APBB2: variants seen among roughly 807,000 people sequenced by gnomAD.
The protein encoded by APBB2 is Fe65-like 1.
APBB2 carries 38 observed loss-of-function variants against 82.5 expected under a neutral mutation model. The observed-to-expected ratio is 0.46, with a 90% CI of 0.36 to 0.60. APBB2 has a LOEUF of 0.60. Among genes scored for constraint, APBB2 ranks in the 20% least tolerant of loss-of-function variants. The pLI is 0.00. For missense variants in APBB2, 772 were observed against 972.3 expected, an observed-to-expected ratio of 0.79 and a Z score of 2.74; for synonymous variants, 341 against 368.2, an observed-to-expected ratio of 0.93 and a Z score of 0.85.
chr4:40,990,650 C>T (rs111517823), intron 6 of APBB2, among the ~76,000 whole-genome samples: 12 of 152,298 alleles, frequency 7.9e-5, no homozygotes, highest in African/African-American at 2.2e-4. Flanking sequence ...TTCACCCCAA[C>T]GTAACCCAGA....
At chr4:40,846,277 G>C (rs987633963) in intron 12 of APBB2, among the ~76,000 whole-genome samples, 38 of 129,748 alleles carry the variant, frequency 2.9e-4, no homozygotes, top group African/African-American at 1.0e-3. Context: ...GAGGAGAAAG[G>C]AAAGGTTCCT....
intron 6 of APBB2, among the ~76,000 whole-genome samples, chr4:40,963,687 TA>T (rs1303825671): frequency 6.6e-6 from 1 of 152,254 alleles, no homozygotes; most frequent in Non-Finnish European, 1.5e-5. Context: ...AATCCGATGC[TA>T]TATCAAAGTC....
chr4:40,834,463 A>G (rs1753147422), intron 12 of APBB2, among the ~76,000 whole-genome samples: 1 of 152,192 alleles, frequency 6.6e-6, no homozygotes, highest in South Asian at 2.1e-4. Context: ...TTAAGACGAA[A>G]TCCAAGCATC....
rs529246448 is a variant in APBB2, at chr4:40,945,141, C to G, written c.836-68G>C. ...TTATTAAAAGAATGTCAGCACTATT[C>G]GTCAGGTGAACCCCAAAGGCAGACG... is the stretch of plus-strand genomic sequence containing the variant. On this transcript the variant is annotated intron_variant, in intron 6 of 17. Coordinates refer to ENST00000508593, the MANE Select transcript of APBB2 (RefSeq NM_004307.2). 5 of 1,240,792 alleles carry G rather than the reference C, an allele frequency of 4.0e-6. No individual in the cohort carries two copies. The East Asian group carries it at 1.2e-4, about 29-fold the overall frequency. 76.9% of individuals were successfully genotyped at this position (1,240,792 alleles called of 1,614,324 possible). A position where few individuals can be genotyped will look rare whatever the true frequency, so the allele number is the denominator to read the frequency against.
chr4:41,135,666 T>G (rs1367628865), intron 2 of APBB2, among the ~76,000 whole-genome samples: 1 of 152,198 alleles, frequency 6.6e-6, no homozygotes, highest in Non-Finnish European at 1.5e-5. Context: ...ACAGTATCTT[T>G]GAAAGCTGTT....
intron 12 of APBB2, among the ~76,000 whole-genome samples, chr4:40,878,550 G>C (rs1406383704): frequency 6.6e-6 from 1 of 152,094 alleles, no homozygotes; most frequent in Non-Finnish European, 1.5e-5. Flanking sequence ...ATCTCCCTCA[G>C]AGACTGTAAC....
At chr4:40,858,289 T>C (rs1308667783) in intron 12 of APBB2, among the ~76,000 whole-genome samples, 1 of 152,022 alleles carries the variant, frequency 6.6e-6, no homozygotes, top group African/African-American at 2.4e-5. Context: ...TACTTCCTCT[T>C]TCTAATTGTT....
intron 12 of APBB2, among the ~76,000 whole-genome samples, chr4:40,873,264 T>C (rs879685474): frequency 1.3e-5 from 2 of 152,188 alleles, no homozygotes; most frequent in Non-Finnish European, 2.9e-5. Flanking sequence ...AAGATCTATA[T>C]CTCCTCTCTT....
At chr4:41,021,406 G>A (rs1811469479) in intron 5 of APBB2, among the ~76,000 whole-genome samples, 1 of 152,198 alleles carries the variant, frequency 6.6e-6, no homozygotes, top group African/African-American at 2.4e-5. Context: ...GAACTTTTCT[G>A]TCTAGCTAGA....
chr4:40,944,052 C>T (rs970068171), intron 7 of APBB2, among the ~76,000 whole-genome samples: 1 of 152,230 alleles, frequency 6.6e-6, no homozygotes, highest in African/African-American at 2.4e-5. Context: ...AGTTCTAATG[C>T]CCTCATGCCT....
intron 1 of APBB2, among the ~76,000 whole-genome samples, chr4:41,199,119 T>C (rs1255601089): frequency 6.6e-6 from 1 of 152,164 alleles, no homozygotes; most frequent in Non-Finnish European, 1.5e-5. Context: ...AGGTTACATT[T>C]GCAGATATGA....
intron 4 of APBB2, among the ~76,000 whole-genome samples, chr4:41,054,915 G>A (rs1039390325): frequency 1.3e-5 from 2 of 152,024 alleles, no homozygotes; most frequent in African/African-American, 4.8e-5. Flanking sequence ...GATCAAACAG[G>A]CACATCCATT....
intron 6 of APBB2, among the ~76,000 whole-genome samples, chr4:40,965,607 T>C (rs1016936454): frequency 2.0e-5 from 3 of 152,190 alleles, no homozygotes; most frequent in African/African-American, 7.2e-5. Context: ...AAAATGATAT[T>C]TTTTATATAT....
At chr4:41,173,567 A>G (rs373397831) in intron 1 of APBB2, among the ~76,000 whole-genome samples, 10 of 152,360 alleles carry the variant, frequency 6.6e-5, no homozygotes, top group African/African-American at 2.4e-4. Flanking sequence ...ACAACACTTC[A>G]GTCAACGGCA....
chr4:41,205,239 G>A (rs190414410), intron 1 of APBB2, among the ~76,000 whole-genome samples: 1 of 152,272 alleles, frequency 6.6e-6, no homozygotes, highest in Admixed American at 6.5e-5. Context: ...GGAAGTAGTA[G>A]GCACCCAACT....
rs1759576748 is a variant in APBB2 at position 40,851,872 on chromosome 4, C to G, written c.1530-21295G>C. Among the ~76,000 whole-genome samples, 4 of 151,550 alleles carry G rather than the reference C, an allele frequency of 2.6e-5. No individual in the cohort carries two copies. The South Asian group carries it at 8.3e-4, about 31-fold the overall frequency. On this transcript the variant is annotated intron_variant, in intron 12 of 17. Coordinates refer to ENST00000508593, the MANE Select transcript of APBB2 (RefSeq NM_004307.2). ...AGGGGGCAGAGAATCCTATCAGAAACTCAGTATTTAGTTCTACTTTACAGC... is the reference window on the plus strand; with the variant it reads ...AGGGGGCAGAGAATCCTATCAGAAAGTCAGTATTTAGTTCTACTTTACAGC...
intron 8 of APBB2, 102 bp from the exon 9 acceptor site, chr4:40,934,801 G>T: frequency 1.2e-6 from 1 of 856,140 alleles, no homozygotes; most frequent in Non-Finnish European, 1.9e-6. Context: ...GAGGCAGAGA[G>T]TGTACGTGAG....
chr4:41,058,693 GAATT>G (rs1428338689), intron 4 of APBB2, among the ~76,000 whole-genome samples: 2 of 152,216 alleles, frequency 1.3e-5, no homozygotes, highest in East Asian at 3.8e-4. Flanking sequence ...CCCATTCACT[GAATT>G]AATACTTAAC....
intron 12 of APBB2, among the ~76,000 whole-genome samples, chr4:40,882,076 A>G (rs1413926413): frequency 6.6e-6 from 1 of 151,862 alleles, no homozygotes; most frequent in Non-Finnish European, 1.5e-5. Flanking sequence ...ATTCAATCTT[A>G]AAGGTCAACC....
Sources: gnomAD v4.1 joint callset for allele counts (sites outside exome capture counted in the v4.1 genomes callset) on GRCh38, gnomAD v4.1.1 for gene constraint, MANE v1.5 for transcripts, NCBI Gene and HGNC (gene_info 2026-07-23, HGNC 2026-07-21) for gene names.